Variants in RAP1GAP2 observed in about 807,000 individuals in gnomAD.
RAP1GAP2 encodes RAP1 GTPase activating protein 2.
A neutral mutation model predicts 95.0 loss-of-function variants in RAP1GAP2; 27 were observed. That is an observed-to-expected ratio of 0.28 (90% CI 0.21 to 0.39). The LOEUF is 0.39. Among genes scored for constraint, RAP1GAP2 ranks in the 10% least tolerant of loss-of-function variants. The pLI is 1.00. For missense variants in RAP1GAP2, 771 were observed against 970.0 expected (o/e 0.79, Z 2.72); for synonymous variants, 373 against 380.9 (o/e 0.98, Z 0.24).
At chr17:2,888,028 A>C (rs968401784) in intron 2 of RAP1GAP2, among the ~76,000 whole-genome samples, 1 of 152,176 alleles carries the variant, frequency 6.6e-6, no homozygotes, top group Non-Finnish European at 1.5e-5. Flanking sequence ...CCAGGAGCAG[A>C]ATCAATCCCC....
At chr17:2,942,111 G>A (rs1440521197) in intron 3 of RAP1GAP2, among the ~76,000 whole-genome samples, 1 of 152,176 alleles carries the variant, frequency 6.6e-6, no homozygotes, top group Non-Finnish European at 1.5e-5. Flanking sequence ...GAGATGCTGA[G>A]TTGGCAAACC....
chr17:2,977,822 T>C (rs1472311110), intron 8 of RAP1GAP2, among the ~76,000 whole-genome samples: 1 of 141,794 alleles, frequency 7.1e-6, no homozygotes, highest in Non-Finnish European at 1.5e-5. Flanking sequence ...CACCTTGATA[T>C]CAAAACCTGG....
intron 2 of RAP1GAP2, among the ~76,000 whole-genome samples, chr17:2,886,171 A>T (rs868500365): frequency 3.9e-4 from 48 of 123,350 alleles, no homozygotes; most frequent in African/African-American, 1.2e-3. Flanking sequence ...GTATATATAT[A>T]TTTTTTTTTT....
chr17:2,859,836 G>C (rs1232842584), intron 2 of RAP1GAP2, among the ~76,000 whole-genome samples: 11 of 152,048 alleles, frequency 7.2e-5, no homozygotes, highest in Admixed American at 2.6e-4. Flanking sequence ...GCATCTCCTG[G>C]TGTTATTTAA....
intron 2 of RAP1GAP2, among the ~76,000 whole-genome samples, chr17:2,858,513 C>T (rs1221563852): frequency 6.6e-6 from 1 of 152,164 alleles, no homozygotes; most frequent in Non-Finnish European, 1.5e-5. Flanking sequence ...AATCTTGTTT[C>T]ATTTATGTAC....
At chr17:2,851,143 A>T (rs998693568) in intron 2 of RAP1GAP2, among the ~76,000 whole-genome samples, 1 of 152,214 alleles carries the variant, frequency 6.6e-6, no homozygotes, top group Non-Finnish European at 1.5e-5. Context: ...ACACTAAGAC[A>T]AAGAATTATG....
intron 3 of RAP1GAP2, among the ~76,000 whole-genome samples, chr17:2,927,194 C>T (rs1243638763): frequency 1.3e-4 from 20 of 151,144 alleles, no homozygotes; most frequent in African/African-American, 4.9e-4. Flanking sequence ...CGCTCTGTCA[C>T]CCAGGCTGGA....
chr17:2,970,570 G>A (rs1045004650), intron 8 of RAP1GAP2, among the ~76,000 whole-genome samples: 9 of 152,126 alleles, frequency 5.9e-5, no homozygotes, highest in African/African-American at 2.2e-4. Context: ...CAAACACTTG[G>A]ATTTTTGCCC....
rs1421479113 is a variant in RAP1GAP2 at position 3,035,628 on chromosome 17, C to G, written c.*2267C>G. 1.3e-5 allele frequency: 2 copies of G among 152,408 alleles called. No homozygotes were observed. Among genetic ancestry groups the G allele is most frequent in the East Asian group, 3.8e-4 (2 of 5,198 alleles). The allele number at this position is 152,408 out of a possible 1,614,324, so 9.4% of individuals were successfully genotyped here. A position where few individuals can be genotyped will look rare whatever the true frequency, so the allele number is the denominator to read the frequency against. ...ATGATCTGAACAGGACCCCAAATGCCTCTTCCCTCTGGTCATGCCTCACTA... is the reference window on the plus strand; with the variant it reads ...ATGATCTGAACAGGACCCCAAATGCGTCTTCCCTCTGGTCATGCCTCACTA... On this transcript the variant is annotated 3_prime_UTR_variant, in exon 25 of 25. Coordinates refer to ENST00000254695, the MANE Select transcript of RAP1GAP2 (RefSeq NM_015085.5). The surrounding 1 kb of genome is among the most constrained non-coding windows in gnomAD (Gnocchi z 4.3).
chr17:2,849,982 A>T (rs562329565), intron 2 of RAP1GAP2, among the ~76,000 whole-genome samples: 66 of 148,874 alleles, frequency 4.4e-4, no homozygotes, highest in Non-Finnish European at 8.4e-4. Context: ...TGTGTCACTA[A>T]CACCTAACAC....
chr17:2,815,681 C>G (rs1437511654), intron 2 of RAP1GAP2, among the ~76,000 whole-genome samples: 2 of 152,030 alleles, frequency 1.3e-5, no homozygotes, highest in Non-Finnish European at 2.9e-5. Flanking sequence ...GGGGTTTCAC[C>G]ACGTTGACCA....
rs1290096768 is a variant in RAP1GAP2 at position 2,931,142 on chromosome 17, A to AAAG, written c.165+25782_165+25784dup. ...ATCTCAAAAAAAAAAAAAAAAAAAA[A>AAAG]AAGAAGAAGAGAAACCACAACAGAT... On this transcript the variant is annotated intron_variant, in intron 3 of 24. Coordinates refer to ENST00000254695, the MANE Select transcript of RAP1GAP2 (RefSeq NM_015085.5). 3.2e-3 allele frequency among the ~76,000 whole-genome samples: 473 copies of AAAG among 146,302 alleles called. 24 individuals carry two copies. The highest frequency in any genetic ancestry group is 0.011 in the Middle Eastern group (3 of 274).
intron 1 of RAP1GAP2, among the ~76,000 whole-genome samples, chr17:2,781,733 CACGTCTCTGTGTGAGT>C (rs1298453993): frequency 1.4e-5 from 2 of 145,218 alleles, no homozygotes; most frequent in South Asian, 4.4e-4. Flanking sequence ...TCTGTGTGTG[CACGTCTCTGTGTGAGT>C]ACGTCTCTGT....
chr17:2,966,541 A>G (rs555638759), intron 8 of RAP1GAP2, among the ~76,000 whole-genome samples: 4 of 152,300 alleles, frequency 2.6e-5, no homozygotes, highest in East Asian at 3.9e-4. Context: ...TTTGAGATAA[A>G]TATTGGAGGG....
chr17:2,943,658 C>G (rs2043588858), intron 3 of RAP1GAP2, among the ~76,000 whole-genome samples: 2 of 138,786 alleles, frequency 1.4e-5, no homozygotes, highest in Non-Finnish European at 3.1e-5. Context: ...GAGCAAGACT[C>G]TGTCTCCAAA....
At chr17:2,885,450 C>A (rs2073461380) in intron 2 of RAP1GAP2, among the ~76,000 whole-genome samples, 1 of 152,222 alleles carries the variant, frequency 6.6e-6, no homozygotes, top group South Asian at 2.1e-4. Context: ...CCCTGCATGT[C>A]CACAGGAGCC....
chr17:2,913,367 C>A lies in RAP1GAP2; in HGVS notation c.165+7999C>A, dbSNP rs554568199. On this transcript the variant is annotated intron_variant, in intron 3 of 24. Transcript: ENST00000254695. ...GCAGTGGCGTAATCTCAGCTCACTG[C>A]AACCCCTGCTTCCTGGGTTCAAGCG... 2.6e-5 allele frequency among the ~76,000 whole-genome samples: 4 copies of A among 152,236 alleles called. No individual in the cohort carries two copies. The East Asian group carries it at 7.7e-4, about 29-fold the overall frequency.
At chr17:2,967,239 C>T (rs542252666) in intron 8 of RAP1GAP2, among the ~76,000 whole-genome samples, 24 of 152,120 alleles carry the variant, frequency 1.6e-4, no homozygotes, top group African/African-American at 5.3e-4. Context: ...GGCGTGGTGG[C>T]GGGTGCCTGT....
intron 3 of RAP1GAP2, among the ~76,000 whole-genome samples, chr17:2,912,801 G>C (rs1350840950): frequency 6.6e-6 from 1 of 152,176 alleles, no homozygotes; most frequent in Non-Finnish European, 1.5e-5. Flanking sequence ...AGCCAAGGAA[G>C]TTCACATCTG....
Sources: gnomAD v4.1 joint callset for allele counts (sites outside exome capture counted in the v4.1 genomes callset) on GRCh38, gnomAD v4.1.1 for gene constraint, Gnocchi (gnomAD v3.1) non-coding constraint, MANE v1.5 for transcripts, NCBI Gene and HGNC (gene_info 2026-07-23, HGNC 2026-07-21) for gene names.